The following DUSP18 variants were observed in gnomAD, a reference collection of about 807,000 sequenced individuals.
The protein encoded by DUSP18 is dual specificity protein phosphatase 18.
A neutral mutation model predicts 6.3 loss-of-function variants in DUSP18; 4 were observed. The ratio of observed to expected loss-of-function variants is 0.63; its 90% CI spans 0.31 to 1.45. The LOEUF (loss-of-function observed/expected upper bound fraction) is 1.45. Among genes scored for constraint, DUSP18 ranks in the 40% most tolerant of loss-of-function variants. The pLI is 0.07. For missense variants in DUSP18, 235 were observed against 247.7 expected (o/e 0.95, Z 0.34); for synonymous variants, 96 against 95.1 (o/e 1.01, Z -0.05).
downstream of DUSP18, among the ~76,000 whole-genome samples, chr22:30,657,579 T>A (rs2088366117): frequency 6.6e-6 from 1 of 151,890 alleles, no homozygotes; most frequent in Non-Finnish European, 1.5e-5. Context: ...GGAAATATGG[T>A]GAGACGCTGT....
downstream of DUSP18, among the ~76,000 whole-genome samples, chr22:30,661,206 G>A (rs113051213): frequency 0.021 from 3,144 of 151,938 alleles, 99 homozygotes; most frequent in African/African-American, 0.072. Context: ...CCACCCCCCC[G>A]CCAAGTGAAA....
downstream of DUSP18, among the ~76,000 whole-genome samples, chr22:30,660,625 C>A (rs1056637019): frequency 6.6e-6 from 1 of 152,164 alleles, no homozygotes; most frequent in Non-Finnish European, 1.5e-5. Flanking sequence ...TCCCAGATAT[C>A]TGAAACACAA....
At chr22:30,661,052 G>C (rs1197148628), downstream of DUSP18, among the ~76,000 whole-genome samples, 2 of 152,118 alleles carry the variant, frequency 1.3e-5, no homozygotes, top group African/African-American at 4.8e-5. Context: ...TGTTGGCCAG[G>C]CTGGTCTCGA....
downstream of DUSP18, among the ~76,000 whole-genome samples, chr22:30,657,322 G>C (rs929121000): frequency 6.6e-6 from 1 of 151,646 alleles, no homozygotes; most frequent in Non-Finnish European, 1.5e-5. Flanking sequence ...AGCCGGGCGT[G>C]GGGGCGGGCA....
downstream of DUSP18, among the ~76,000 whole-genome samples, chr22:30,659,189 G>A (rs913311352): frequency 6.7e-6 from 1 of 149,868 alleles, no homozygotes; most frequent in Non-Finnish European, 1.5e-5. Context: ...GCCCACAGGA[G>A]ACAGATGAGG....
chr22:30,657,584 C>T (rs557495431), downstream of DUSP18, among the ~76,000 whole-genome samples: 21 of 151,878 alleles, frequency 1.4e-4, no homozygotes, highest in Admixed American at 9.2e-4. Flanking sequence ...TATGGTGAGA[C>T]GCTGTCTCTA....
chr22:30,665,970 A>G (rs1002312908), intron 1 of DUSP18, among the ~76,000 whole-genome samples: 3 of 152,146 alleles, frequency 2.0e-5, no homozygotes, highest in African/African-American at 7.2e-5. Flanking sequence ...TGAGGCTACT[A>G]AAGAGAAAGA....
At chr22:30,666,249 A>C (rs1356929736) in intron 1 of DUSP18, among the ~76,000 whole-genome samples, 1 of 152,192 alleles carries the variant, frequency 6.6e-6, no homozygotes, top group Non-Finnish European at 1.5e-5. Context: ...CATTATAGCC[A>C]CTAAAAGTCT....
chr22:30,653,565 G>A (rs1338526229), intron 2 of DUSP18, among the ~76,000 whole-genome samples: 1 of 151,940 alleles, frequency 6.6e-6, no homozygotes, highest in East Asian at 1.9e-4. Context: ...TAGAGACTGG[G>A]TTTCACCATG....
Position 30,661,454 on chromosome 22 carries a change from T to TTTTTTTC in DUSP18, c.*1982_*1983insGAAAAAA, listed in dbSNP as rs2088466334. On this transcript the variant is annotated 3_prime_UTR_variant, in exon 2 of 2. Coordinates refer to ENST00000334679, the MANE Select transcript of DUSP18 (RefSeq NM_152511.5). ...TTTTCTTTTCTTTTTCTTTTTTTTT[T>TTTTTTTC]TTTTTCTTTTTGAGATGGAGTCTCA... is the stretch of plus-strand genomic sequence containing the variant. The TTTTTTTC allele has an allele frequency of 6.7e-6, 1 of 150,220 alleles. No individual in the cohort carries two copies. The highest frequency in any genetic ancestry group is 1.5e-5 in the Non-Finnish European group (1 of 67,490). The allele number at this position is 150,220 out of a possible 1,614,324, so 9.3% of individuals were successfully genotyped here. A position where few individuals can be genotyped will look rare whatever the true frequency, so the allele number is the denominator to read the frequency against.
At position 30,662,911 on chromosome 22, in the gene DUSP18, C is replaced by T. The variant is rs544614555; in HGVS notation, c.*526G>A. The T allele has an allele frequency of 1.3e-5, 2 of 154,184 alleles. No individual in the cohort carries two copies. The highest frequency in any genetic ancestry group is 3.8e-4 in the East Asian group (2 of 5,212). The allele number at this position is 154,184 out of a possible 1,614,324, so 9.6% of individuals were successfully genotyped here. A position where few individuals can be genotyped will look rare whatever the true frequency, so the allele number is the denominator to read the frequency against. Reference sequence around the variant, plus strand: ...ATAAGTACAATCTAGAAAACCAGAACTGGGCCACTTATAGTGAAGGTGGAA... The same window carrying T: ...ATAAGTACAATCTAGAAAACCAGAATTGGGCCACTTATAGTGAAGGTGGAA... On this transcript the variant is annotated 3_prime_UTR_variant, in exon 2 of 2. Coordinates refer to ENST00000334679, the MANE Select transcript of DUSP18 (RefSeq NM_152511.5).
Position 30,667,752 on chromosome 22 carries a change from G to C in DUSP18, c.-368C>G, listed in dbSNP as rs1279714140. On this transcript the variant is annotated 5_prime_UTR_variant, in exon 1 of 2. Coordinates refer to ENST00000334679, the MANE Select transcript of DUSP18 (RefSeq NM_152511.5). ...TCACTGCAGTCCCCGTGGCGAAGCA[G>C]GGTCAGCTCAGCTCACCGCACCCCA... 1.3e-5 allele frequency: 2 copies of C among 152,840 alleles called. No individual in the cohort carries two copies. The highest frequency in any genetic ancestry group is 2.4e-5 in the African/African-American group (1 of 41,462). 9.5% of individuals were successfully genotyped at this position (152,840 alleles called of 1,614,324 possible).
chr22:30,663,859 C>T lies in DUSP18; in HGVS notation c.145G>A (p.Val49Ile). ...ACTACCTCCACTGAGACATTGATGACCATGGTGATCTGGTTGCTAGACAGC... is the reference window on the plus strand; with the variant it reads ...ACTACCTCCACTGAGACATTGATGATCATGGTGATCTGGTTGCTAGACAGC... Reference protein sequence around the residue: ...LMLSSNQITMVINVSVEVVNT... With the variant: ...LMLSSNQITMIINVSVEVVNT... Residue 49 changes from valine (V) to isoleucine (I), a missense_variant, in exon 2 of 2, where the codon GTC becomes ATC. Physicochemically the swap from Val to Ile is conservative, Grantham distance 29. Coordinates refer to ENST00000334679, the MANE Select transcript of DUSP18 (RefSeq NM_152511.5). 1 of 1,614,226 alleles carries T rather than the reference C, an allele frequency of 6.2e-7. No homozygotes were observed. Among genetic ancestry groups the T allele is most frequent in the South Asian group, 1.1e-5 (1 of 91,086 alleles).
downstream of DUSP18, among the ~76,000 whole-genome samples, chr22:30,659,693 T>C (rs2088420853): frequency 6.6e-6 from 1 of 152,172 alleles, no homozygotes; most frequent in Non-Finnish European, 1.5e-5. Context: ...AGAATCAAGA[T>C]TTGGAAATGA....
intron 2 of DUSP18, among the ~76,000 whole-genome samples, chr22:30,655,436 A>AG (rs1373601740): frequency 1.3e-4 from 19 of 151,234 alleles, no homozygotes; most frequent in Non-Finnish European, 2.4e-4. Flanking sequence ...TACCAAAAAA[A>AG]AAAAAAAAAA....
At chr22:30,658,409 G>C (rs984782711), downstream of DUSP18, among the ~76,000 whole-genome samples, 17 of 151,590 alleles carry the variant, frequency 1.1e-4, no homozygotes, top group Non-Finnish European at 2.2e-4. Context: ...GGGGGTAGCA[G>C]CAGTAACAGT....
At chr22:30,657,201 G>A (rs1048081086), downstream of DUSP18, among the ~76,000 whole-genome samples, 8 of 151,318 alleles carry the variant, frequency 5.3e-5, no homozygotes, top group Non-Finnish European at 8.8e-5. Flanking sequence ...TTGGGAGGCC[G>A]AGGTGGGTGG....
chr22:30,654,633 G>T, intron 2 of DUSP18: 2 of 455,320 alleles, frequency 4.4e-6, no homozygotes. Context: ...GGGAAGGGTT[G>T]CTGTTCATCC....
Position 30,663,436 on chromosome 22 carries a change from C to G in DUSP18, c.*1G>C. On this transcript the variant is annotated 3_prime_UTR_variant, in exon 2 of 2. Transcript: ENST00000334679. ...TCCAATGCAGGGGCTCGTGGGATGG[C>G]TCACAGTGGAATCATCAAACGGACT... The G allele has an allele frequency of 6.2e-7, 1 of 1,605,552 alleles. No homozygotes were observed.
Sources: allele counts gnomAD v4.1 joint callset (sites outside exome capture counted in the v4.1 genomes callset), GRCh38; gene constraint gnomAD v4.1.1; transcripts MANE v1.5; gene names NCBI Gene and HGNC (gene_info 2026-07-23, HGNC 2026-07-21).